Variants in ARRB1 observed in about 807,000 individuals in gnomAD.
ARRB1 encodes beta-arrestin-1.
A neutral mutation model predicts 56.8 loss-of-function variants in ARRB1; 21 were observed. That is an observed-to-expected ratio of 0.37 (90% CI 0.26 to 0.53). The LOEUF (loss-of-function observed/expected upper bound fraction) is 0.53, where lower values mean the gene tolerates loss of function less well. Ranked by LOEUF, ARRB1 falls within the 20% of genes least tolerant of loss-of-function variation. The probability of loss-of-function intolerance (pLI) is 0.88; values close to 1 mark genes in which losing one functional copy is unlikely to be tolerated. For missense variants in ARRB1, 424 were observed against 553.7 expected (o/e 0.77, Z 2.35); for synonymous variants, 210 against 218.6 (o/e 0.96, Z 0.35).
At chr11:75,271,633 T>C in intron 13 of ARRB1, 68 bp downstream of exon 13, 4 of 1,488,466 alleles carry the variant, frequency 2.7e-6, no homozygotes, top group Non-Finnish European at 3.6e-6. Context: ...GTGATTCTGG[T>C]CAGTCAAGCC....
At chr11:75,289,198 G>A (rs910370895) in intron 2 of ARRB1, among the ~76,000 whole-genome samples, 13 of 152,162 alleles carry the variant, frequency 8.5e-5, no homozygotes, top group East Asian at 1.9e-4. Context: ...CAGTGTTCCC[G>A]TGACCAGCCC....
At chr11:75,295,008 G>C (rs1946699248) in intron 1 of ARRB1, among the ~76,000 whole-genome samples, 1 of 152,084 alleles carries the variant, frequency 6.6e-6, no homozygotes, top group South Asian at 2.1e-4. Flanking sequence ...AGGATCACTT[G>C]AGTTCAGGAA....
Position 75,351,627 on chromosome 11 carries a change from G to C in ARRB1, c.-20C>G. On this transcript the variant is annotated 5_prime_UTR_variant, in exon 1 of 16. Transcript: ENST00000420843. ...GCCCATGGTCCGCGACGGTCGCAGG[G>C]AGGTCCGCGGCGTCAGCGCCCAGGC... The C allele has an allele frequency of 7.2e-7, 1 of 1,388,280 alleles. No homozygotes were observed. The highest frequency in any genetic ancestry group is 1.5e-5 in the African/African-American group (1 of 66,552). 86.0% of individuals were successfully genotyped at this position (1,388,280 alleles called of 1,614,324 possible).
intron 15 of ARRB1, 84 bp from the exon 16 acceptor site, chr11:75,266,358 C>T (rs1459261934): frequency 6.2e-6 from 7 of 1,131,896 alleles, no homozygotes; most frequent in Non-Finnish European, 9.3e-6. Flanking sequence ...AGATGTGACT[C>T]AGAGTATGGC....
intron 3 of ARRB1, among the ~76,000 whole-genome samples, chr11:75,285,555 G>C (rs1227215806): frequency 6.6e-6 from 1 of 152,234 alleles, no homozygotes; most frequent in African/African-American, 2.4e-5. Flanking sequence ...GCTTGGACTT[G>C]TGTGCAGGTT....
intron 1 of ARRB1, among the ~76,000 whole-genome samples, chr11:75,301,985 G>A (rs1050597855): frequency 6.6e-6 from 1 of 152,190 alleles, no homozygotes; most frequent in African/African-American, 2.4e-5. Context: ...CCCAGAGGGA[G>A]AAATCAAAGC....
intron 1 of ARRB1, among the ~76,000 whole-genome samples, chr11:75,334,553 AT>A (rs1947573202): frequency 6.6e-6 from 1 of 152,142 alleles, no homozygotes; most frequent in Non-Finnish European, 1.5e-5. Context: ...TTTCATCAGC[AT>A]TTCCTGAGCT....
intron 11 of ARRB1, among the ~76,000 whole-genome samples, chr11:75,273,678 C>T (rs968150617): frequency 6.3e-4 from 59 of 92,928 alleles, no homozygotes; most frequent in African/African-American, 1.9e-3. Context: ...GCCCTGGGAC[C>T]CCTGACTTGG....
intron 9 of ARRB1, 64 bp downstream of exon 9, chr11:75,277,300 C>T (rs1165057310): frequency 6.6e-7 from 1 of 1,507,130 alleles, no homozygotes; most frequent in African/African-American, 1.4e-5. Flanking sequence ...ATACTTCAGC[C>T]ACCCCCAGCC....
chr11:75,332,932 C>T (rs1947544325), intron 1 of ARRB1, among the ~76,000 whole-genome samples: 1 of 152,038 alleles, frequency 6.6e-6, no homozygotes, highest in Non-Finnish European at 1.5e-5. Context: ...AAGCTCCCCC[C>T]AACCCCTGCC....
Position 75,281,145 on chromosome 11 carries a change from G to A in ARRB1, c.415-3C>T. 2 of 1,593,162 alleles carry A rather than the reference G, an allele frequency of 1.3e-6. No homozygotes were observed. The highest frequency in any genetic ancestry group is 2.3e-5 in the South Asian group (2 of 87,564). On this transcript the variant is annotated splice_polypyrimidine_tract_variant and splice_region_variant and intron_variant, in intron 6 of 15. Transcript: ENST00000420843. ...ACTTCATAGTCCACACCGCAAGCCT[G>A]TGGGGAAGGGGTCACTGACCACAGG... is the stretch of plus-strand genomic sequence containing the variant.
intron 11 of ARRB1, among the ~76,000 whole-genome samples, chr11:75,273,194 C>T (rs748840365): frequency 2.6e-5 from 4 of 152,168 alleles, no homozygotes; most frequent in African/African-American, 4.8e-5. Context: ...CTGTGAGACT[C>T]GCTCACTGTG....
chr11:75,321,501 T>C (rs1382794470), intron 1 of ARRB1, among the ~76,000 whole-genome samples: 1 of 152,148 alleles, frequency 6.6e-6, no homozygotes, highest in Non-Finnish European at 1.5e-5. Flanking sequence ...AGAGGCTTTA[T>C]GGGATGACTT....
At chr11:75,280,920 G>A (rs1277865465) in intron 7 of ARRB1, 155 bp downstream of exon 7, 4 of 857,088 alleles carry the variant, frequency 4.7e-6, no homozygotes, top group South Asian at 1.7e-5. Context: ...GAAGCCCTCC[G>A]TGACCTCCCA....
At chr11:75,303,386 G>T (rs755199208) in intron 1 of ARRB1, among the ~76,000 whole-genome samples, 1 of 152,022 alleles carries the variant, frequency 6.6e-6, no homozygotes, top group African/African-American at 2.4e-5. Context: ...CTTTGCATCA[G>T]TTCTACCAAC....
intron 1 of ARRB1, among the ~76,000 whole-genome samples, chr11:75,318,488 G>C (rs1181060881): frequency 6.6e-6 from 1 of 152,146 alleles, no homozygotes; most frequent in Non-Finnish European, 1.5e-5. Flanking sequence ...TCAGGAGTTC[G>C]AGACCAGCCT....
At chr11:75,301,338 G>A (rs1319807728) in intron 1 of ARRB1, among the ~76,000 whole-genome samples, 1 of 152,220 alleles carries the variant, frequency 6.6e-6, no homozygotes, top group Non-Finnish European at 1.5e-5. Context: ...CCCAGGGGAA[G>A]AGGCTGGGCT....
intron 13 of ARRB1, 38 bp from the exon 14 acceptor site, chr11:75,268,997 A>G: frequency 1.3e-6 from 2 of 1,593,266 alleles, no homozygotes; most frequent in Non-Finnish European, 1.7e-6. Context: ...CCTTGAGCGG[A>G]CTCACAGGCT....
At chr11:75,302,849 C>CA (rs1946936752) in intron 1 of ARRB1, among the ~76,000 whole-genome samples, 2 of 152,158 alleles carry the variant, frequency 1.3e-5, no homozygotes, top group South Asian at 2.1e-4. Flanking sequence ...AGTTCTCCCC[C>CA]AAGTGTCCCT....
Sources: allele counts gnomAD v4.1 joint callset (sites outside exome capture counted in the v4.1 genomes callset), GRCh38; gene constraint gnomAD v4.1.1; transcripts MANE v1.5; gene names NCBI Gene and HGNC (gene_info 2026-07-23, HGNC 2026-07-21).